Variants in ABCA5 observed in about 807,000 individuals in gnomAD.
ABCA5 encodes the protein ATP binding cassette subfamily A member 5.
In ABCA5, 163 loss-of-function variants were observed where a neutral mutation model predicts 206.0. That is an observed-to-expected ratio of 0.79 (90% confidence interval 0.70 to 0.90). The LOEUF (loss-of-function observed/expected upper bound fraction) is 0.90, where lower values mean the gene tolerates loss of function less well. ABCA5 is among the 40% of genes least tolerant of loss of function. The probability of loss-of-function intolerance (pLI) is 0.00; values close to 1 mark genes in which losing one functional copy is unlikely to be tolerated. For missense variants in ABCA5, 1,859 were observed against 1,912.9 expected (o/e 0.97, Z 0.53); for synonymous variants, 609 against 613.8 (o/e 0.99, Z 0.11).
chr17:69,302,801 T>C lies in ABCA5; in HGVS notation c.1036A>G (p.Ile346Val). The C allele has an allele frequency of 2.5e-6, 4 of 1,600,992 alleles. No homozygotes were observed. The highest frequency in any genetic ancestry group is 3.4e-6 in the Non-Finnish European group (4 of 1,176,402). The change falls in exon 8 of 39, where the codon ATC (isoleucine) becomes GTC (valine). Residue 346 changes from isoleucine to valine, a missense_variant. Physicochemically the swap from Ile to Val is conservative, Grantham distance 29. Transcript: ENST00000392676. ...GATTTGGGAAAACTTTCTATGAGGA[T>C]TATCATAAGGCCAATAAATCCAAAA... ...VAFGFIGLMI[I>V]LIESFPKSLV...
In ABCA5 at chr17:69,260,390, T is replaced by C. The variant is rs374905087; in HGVS notation, c.3587A>G (p.Lys1196Arg). Reference sequence around the variant, plus strand: ...CCATGGATTATAGGTGTCCACATTTTTTCGTACATTCTTCCAAGAAATCTA... The same window carrying C: ...CCATGGATTATAGGTGTCCACATTTCTTCGTACATTCTTCCAAGAAATCTA... ...FIKISWKNVR[K>R]NVDTYNPWDR... Residue 1196 changes from lysine (K) to arginine (R), a missense_variant, in exon 27 of 39, where the codon AAA becomes AGA. Coordinates refer to ENST00000392676, the MANE Select transcript of ABCA5 (RefSeq NM_172232.4). 1 of 1,607,538 alleles carries C rather than the reference T, an allele frequency of 6.2e-7. No homozygotes were observed. The highest frequency in any genetic ancestry group is 1.3e-5 in the African/African-American group (1 of 74,682).
chr17:69,308,135 T>C lies in ABCA5; in HGVS notation c.558+145A>G, dbSNP rs12937809. The stretch of plus-strand genomic sequence containing the variant: ...AGTACCAAATCAGAAAATATGACTT[T>C]TTTATCTTTTTTCTCAAAGGAGTTG... On this transcript the variant is annotated intron_variant, in intron 5 of 38. Transcript: ENST00000392676. 2.6e-4 allele frequency: 78 copies of C among 305,788 alleles called. No homozygotes were observed. The East Asian group carries it at 2.6e-3, about 10-fold the overall frequency. The allele number at this position is 305,788 out of a possible 1,614,324, so 18.9% of individuals were successfully genotyped here. A position where few individuals can be genotyped will look rare whatever the true frequency, so the allele number is the denominator to read the frequency against.
chr17:69,254,316 G>A lies in ABCA5; in HGVS notation c.4243C>T (p.Arg1415Ter), dbSNP rs533314210. ...SASDMKEVIS[R>*]ITHALDLKEH... The stretch of plus-strand genomic sequence containing the variant: ...GGAATCTAAAGACAATTATTTTACC[G>A]ACTTATGACTTCTTTCATGTCACTT... The change falls in exon 32 of 39, where the codon CGA (arginine) becomes TGA (stop). Residue 1415 changes from arginine to a stop codon, truncating the protein, a stop_gained and splice_region_variant. Transcript: ENST00000392676. LOFTEE classifies it high-confidence loss of function. The A allele has an allele frequency of 8.2e-6, 13 of 1,593,538 alleles. No individual in the cohort carries two copies. The highest frequency in any genetic ancestry group is 1.3e-5 in the African/African-American group (1 of 74,130).
In ABCA5 at chr17:69,286,234, C is replaced by T. The variant is rs968494720; in HGVS notation, c.2119G>A (p.Gly707Ser). ...AATGAATGATACCTCAGGCGGTAGC[C>T]GATCCCCCATTTACTTTTGAGGAAC... ...SMFLKSKWGI[G>S]YRLSMYIDKY... The change falls in exon 16 of 39, where the codon GGC becomes AGC. Residue 707 changes from glycine (G) to serine (S), a missense_variant. Coordinates refer to ENST00000392676, the MANE Select transcript of ABCA5 (RefSeq NM_172232.4). The T allele has an allele frequency of 6.1e-5, 97 of 1,602,360 alleles. No individual in the cohort carries two copies. The highest frequency in any genetic ancestry group is 8.0e-5 in the Non-Finnish European group (94 of 1,176,970).
intron 9 of ABCA5, 88 bp from the exon 10 acceptor site, chr17:69,297,447 T>A: frequency 8.1e-7 from 1 of 1,233,158 alleles, no homozygotes; most frequent in Non-Finnish European, 1.1e-6. Context: ...AACCTGCATC[T>A]AAAGTTTAGG....
chr17:69,293,459 C>T lies in ABCA5; in HGVS notation c.1495+1196G>A, dbSNP rs967929049. On this transcript the variant is annotated intron_variant, in intron 11 of 38. Coordinates refer to ENST00000392676, the MANE Select transcript of ABCA5 (RefSeq NM_172232.4). ...GTGAAGGTTAATTTTATGGGTCCCC[C>T]TGGCTAGGCTATGGTGCCGTTATTT... is the stretch of plus-strand genomic sequence containing the variant. Among the ~76,000 whole-genome samples, 4 of 152,108 alleles carry T rather than the reference C, an allele frequency of 2.6e-5. No homozygotes were observed. In the East Asian group the frequency reaches 7.7e-4, roughly 29 times the overall value.
rs1225212963 is a variant in ABCA5, at chr17:69,291,344, A to G, written c.1496-18T>C. ...TGACAAATCTAGTTCAGGAAAAAAG[A>G]AGACTCAAATGTAATTTTTATGTCT... On this transcript the variant is annotated intron_variant, in intron 11 of 38. Transcript: ENST00000392676. 6.7e-7 allele frequency: 1 copy of G among 1,498,772 alleles called. No homozygotes were observed. Among genetic ancestry groups the G allele is most frequent in the African/African-American group, 1.4e-5 (1 of 72,456 alleles). The allele number at this position is 1,498,772 out of a possible 1,614,324, so 92.8% of individuals were successfully genotyped here.
At chr17:69,294,814 GAATAATAA>G in intron 10 of ABCA5, 101 bp from the exon 11 acceptor site, 2 of 646,032 alleles carry the variant, frequency 3.1e-6, no homozygotes, top group Non-Finnish European at 4.9e-6. Context: ...CATTTTATAA[GAATAATAA>G]AATAATAATA....
chr17:69,266,961 G>A (rs1361685248), intron 23 of ABCA5, among the ~76,000 whole-genome samples: 5 of 151,616 alleles, frequency 3.3e-5, no homozygotes, highest in African/African-American at 1.2e-4. Flanking sequence ...TGCAATCTCC[G>A]CCTCTCGGGT....
chr17:69,299,024 C>G (rs1424249393), intron 9 of ABCA5, among the ~76,000 whole-genome samples: 1 of 151,988 alleles, frequency 6.6e-6, no homozygotes, highest in African/African-American at 2.4e-5. Context: ...GAATAGATAA[C>G]TCTAATAAGA....
intron 1 of ABCA5, among the ~76,000 whole-genome samples, chr17:69,324,123 GA>G (rs1418800617): frequency 1.3e-5 from 2 of 152,208 alleles, no homozygotes; most frequent in African/African-American, 4.8e-5. Context: ...AAAGGAAGAA[GA>G]GGGGAAGTGA....
intron 9 of ABCA5, among the ~76,000 whole-genome samples, chr17:69,300,114 T>C (rs1209438821): frequency 1.3e-5 from 2 of 152,204 alleles, no homozygotes; most frequent in Non-Finnish European, 2.9e-5. Flanking sequence ...CACTATAAGG[T>C]AGAATCAGTG....
chr17:69,291,475 CTTCT>C, intron 11 of ABCA5, 149 bp from the exon 12 acceptor site: 1 of 467,784 alleles, frequency 2.1e-6, no homozygotes. Flanking sequence ...GGTAAAACAG[CTTCT>C]TTGTTACAGT....
chr17:69,287,627 G>C lies in ABCA5; in HGVS notation c.2027C>G (p.Ala676Gly). ...AAAAATCTCACCTGCAAGAATGTCAGCTTCATCCATGAAATGAGTACTGAA... is the reference window on the plus strand; with the variant it reads ...AAAAATCTCACCTGCAAGAATGTCACCTTCATCCATGAAATGAGTACTGAA... ...TVFSTHFMDE[A>G]DILADRKAVI... Residue 676 changes from alanine (A) to glycine (G), a missense_variant, in exon 15 of 39, where the codon GCT becomes GGT. Ala to Gly is a moderately conservative substitution (Grantham distance 60). Transcript: ENST00000392676. 6.2e-7 allele frequency: 1 copy of C among 1,609,936 alleles called. No homozygotes were observed. Among genetic ancestry groups the C allele is most frequent in the Non-Finnish European group, 8.5e-7 (1 of 1,178,530 alleles).
chr17:69,273,115 A>G (rs2075290583), intron 20 of ABCA5, among the ~76,000 whole-genome samples: 1 of 152,182 alleles, frequency 6.6e-6, no homozygotes, highest in South Asian at 2.1e-4. Flanking sequence ...AATTTTTTTC[A>G]TATTTGACAA....
chr17:69,286,117 T>C (rs1340430817), intron 16 of ABCA5, 80 bp from the exon 17 acceptor site: 1 of 1,556,106 alleles, frequency 6.4e-7, no homozygotes, highest in Non-Finnish European at 8.7e-7. Context: ...AAATTAAATT[T>C]AGTACCATAA....
At chr17:69,299,298 C>G (rs1479860251) in intron 9 of ABCA5, among the ~76,000 whole-genome samples, 1 of 152,156 alleles carries the variant, frequency 6.6e-6, no homozygotes, top group Non-Finnish European at 1.5e-5. Context: ...ATTGATCCAG[C>G]AATCCCACTC....
intron 23 of ABCA5, among the ~76,000 whole-genome samples, chr17:69,266,065 T>C (rs2075204308): frequency 6.6e-6 from 1 of 152,122 alleles, no homozygotes; most frequent in Non-Finnish European, 1.5e-5. Flanking sequence ...GTGTGATGTA[T>C]CCATACCATG....
intron 19 of ABCA5, 121 bp downstream of exon 19, chr17:69,277,520 T>A: frequency 1.4e-6 from 1 of 733,818 alleles, no homozygotes; most frequent in Non-Finnish European, 2.1e-6. Flanking sequence ...ATTACAGTGG[T>A]AATCTTTCGA....
Sources: allele counts gnomAD v4.1 joint callset (sites outside exome capture counted in the v4.1 genomes callset), GRCh38; gene constraint gnomAD v4.1.1; transcripts MANE v1.5; gene names NCBI Gene and HGNC (gene_info 2026-07-23, HGNC 2026-07-21).